Variants in GRHL3 observed in about 807,000 individuals in gnomAD.
The protein encoded by GRHL3 is grainyhead-like protein 3 homolog.
A neutral mutation model predicts 70.3 loss-of-function variants in GRHL3; 20 were observed. That is an observed-to-expected ratio of 0.28 (90% CI 0.20 to 0.41). GRHL3 has a LOEUF of 0.41. Ranked by LOEUF, GRHL3 falls within the 10% of genes least tolerant of loss-of-function variation. The pLI is 1.00. For synonymous variants in GRHL3, 299 were observed against 299.9 expected, an observed-to-expected ratio of 1.00 and a Z score of 0.03; for missense variants, 637 against 762.3, an observed-to-expected ratio of 0.84 and a Z score of 1.94.
At chr1:24,326,974 TG>T (rs1368273848) in intron 1 of GRHL3, among the ~76,000 whole-genome samples, 1 of 152,232 alleles carries the variant, frequency 6.6e-6, no homozygotes, top group Non-Finnish European at 1.5e-5. Flanking sequence ...TTGTTTCTTT[TG>T]AACAGAACCC....
At chr1:24,346,106 C>T (rs1640271230) in intron 12 of GRHL3, among the ~76,000 whole-genome samples, 1 of 151,642 alleles carries the variant, frequency 6.6e-6, no homozygotes. Flanking sequence ...TACTCCAAAG[C>T]CCCCAGTCCT....
intron 1 of GRHL3, among the ~76,000 whole-genome samples, chr1:24,327,684 C>T (rs1037471446): frequency 3.3e-5 from 5 of 152,212 alleles, no homozygotes; most frequent in African/African-American, 1.2e-4. Context: ...CCCAGGGAAG[C>T]TGACCTCATA....
At chr1:24,358,582 G>A (rs748283519), downstream of GRHL3, 2 of 1,614,150 alleles carry the variant, frequency 1.2e-6, no homozygotes, top group East Asian at 2.2e-5. Context: ...CGTTGTAGAG[G>A]AAGGACTGCT....
intron 1 of GRHL3, among the ~76,000 whole-genome samples, chr1:24,320,787 C>T (rs1032112322): frequency 2.0e-5 from 3 of 152,098 alleles, no homozygotes; most frequent in African/African-American, 4.8e-5. Flanking sequence ...ACAATTGGAC[C>T]GCAATGAGAA....
At chr1:24,337,020 TGAGGCTTCCCA>T in intron 4 of GRHL3, 47 bp from the exon 5 acceptor site, 1 of 1,538,620 alleles carries the variant, frequency 6.5e-7, no homozygotes, top group South Asian at 1.1e-5. Context: ...AGCCCTGGGC[TGAGGCTTCCCA>T]GAGTGAATGT....
intron 1 of GRHL3, among the ~76,000 whole-genome samples, chr1:24,327,785 C>CATAGAACTCTTTTCA (rs1639450634): frequency 2.0e-5 from 3 of 152,156 alleles, no homozygotes; most frequent in Admixed American, 2.0e-4. Context: ...TCACATTGAT[C>CATAGAACTCTTTTCA]CAGTATCAGC....
At chr1:24,338,542 G>A (rs1639915737) in intron 7 of GRHL3, among the ~76,000 whole-genome samples, 1 of 152,204 alleles carries the variant, frequency 6.6e-6, no homozygotes, top group African/African-American at 2.4e-5. Flanking sequence ...GGCACAGCCC[G>A]CCCTCAAGTC....
chr1:24,354,664 T>A lies in GRHL3; in HGVS notation c.*176T>A, dbSNP rs1640647392. The A allele has an allele frequency of 1.8e-6, 1 of 547,180 alleles. No homozygotes were observed. Among genetic ancestry groups the A allele is most frequent in the South Asian group, 2.2e-5 (1 of 46,332 alleles). 33.9% of individuals were successfully genotyped at this position (547,180 alleles called of 1,614,324 possible). A position where few individuals can be genotyped will look rare whatever the true frequency, so the allele number is the denominator to read the frequency against. On this transcript the variant is annotated 3_prime_UTR_variant, in exon 16 of 16. Transcript: ENST00000361548. ...CAGGGCCAGGGAGAGACCTAGGGGG[T>A]CCCCTGGCCTGGATCCCCATGGTAT...
chr1:24,319,635 G>T, intron 1 of GRHL3, 67 bp downstream of exon 1: 2 of 1,612,440 alleles, frequency 1.2e-6, no homozygotes, highest in African/African-American at 2.7e-5. Flanking sequence ...TTCCTGGAGG[G>T]GGAAGAGCGG....
chr1:24,357,437 CT>C (rs1640798133), downstream of GRHL3: 1 of 152,548 alleles, frequency 6.6e-6, no homozygotes, highest in African/African-American at 2.4e-5. Context: ...ACCTGGGTGG[CT>C]CCTGCCTCCC....
intron 1 of GRHL3, among the ~76,000 whole-genome samples, chr1:24,327,149 C>G (rs1639428434): frequency 6.6e-6 from 1 of 152,172 alleles, no homozygotes; most frequent in Non-Finnish European, 1.5e-5. Flanking sequence ...CATTTCCTAC[C>G]TTAATGTACT....
At chr1:24,338,369 T>A (rs1557698259) in intron 7 of GRHL3, among the ~76,000 whole-genome samples, 2 of 152,164 alleles carry the variant, frequency 1.3e-5, no homozygotes, top group Admixed American at 6.5e-5. Flanking sequence ...TTTGTCTCCA[T>A]CAGGAGGCTG....
At chr1:24,355,928 C>A (rs1640702221), downstream of GRHL3, among the ~76,000 whole-genome samples, 1 of 150,090 alleles carries the variant, frequency 6.7e-6, no homozygotes. Context: ...TGCGATGGAG[C>A]CTCGCTTTGT....
rs970378608 is a variant in GRHL3 at position 24,321,164 on chromosome 1, A to G, written c.17+1596A>G. Among the ~76,000 whole-genome samples, 2 of 152,186 alleles carry G rather than the reference A, an allele frequency of 1.3e-5. No individual in the cohort carries two copies. The highest frequency in any genetic ancestry group is 4.8e-5 in the African/African-American group (2 of 41,432). On this transcript the variant is annotated intron_variant, in intron 1 of 15. Transcript: ENST00000361548. The surrounding 1 kb of genome is among the most constrained non-coding windows in gnomAD (Gnocchi z 4.0). ...ACAGACAGAATCTATTCATTACTGC[A>G]CGTTAGGGGGTATGTGTTCTGAAGC...
intron 2 of GRHL3, among the ~76,000 whole-genome samples, chr1:24,333,233 G>A (rs1047417850): frequency 1.3e-5 from 2 of 152,180 alleles, no homozygotes; most frequent in Non-Finnish European, 1.5e-5. Flanking sequence ...GCAGCCCCCT[G>A]GACAGTGATG....
chr1:24,357,586 G>C (rs1640806571), downstream of GRHL3: 1 of 159,024 alleles, frequency 6.3e-6, no homozygotes, highest in Non-Finnish European at 1.4e-5. Context: ...GGCCACAGTT[G>C]TACAGGCCTT....
At chr1:24,356,845 C>CT (rs1302691599), downstream of GRHL3, among the ~76,000 whole-genome samples, 1 of 152,144 alleles carries the variant, frequency 6.6e-6, no homozygotes, top group Non-Finnish European at 1.5e-5. Context: ...CTGAGTAAAA[C>CT]TTTTTTTAAA....
chr1:24,326,397 C>CCCTCTTCTCCTCCACA, intron 1 of GRHL3, among the ~76,000 whole-genome samples: 1 of 150,448 alleles, frequency 6.6e-6, no homozygotes, highest in Non-Finnish European at 1.5e-5. Flanking sequence ...TCTCCTCCAC[C>CCCTCTTCTCCTCCACA]CCTATTCCCC....
Position 24,342,651 on chromosome 1 carries a change from C to A in GRHL3, c.1207-43C>A. 6.5e-7 allele frequency: 1 copy of A among 1,544,508 alleles called. No individual in the cohort carries two copies. The highest frequency in any genetic ancestry group is 9.0e-7 in the Non-Finnish European group (1 of 1,116,998). On this transcript the variant is annotated intron_variant, in intron 9 of 15. Transcript: ENST00000361548. The surrounding 1 kb of genome is among the most constrained non-coding windows in gnomAD (Gnocchi z 4.8). ...AGCAGCAGCTGTGAAAGTAGCTAGC[C>A]CCTCCCAGGCCCTTGGTGACCCTCT...
Sources: gnomAD v4.1 joint callset for allele counts (sites outside exome capture counted in the v4.1 genomes callset) on GRCh38, gnomAD v4.1.1 for gene constraint, Gnocchi (gnomAD v3.1) non-coding constraint, MANE v1.5 for transcripts, NCBI Gene and HGNC (gene_info 2026-07-23, HGNC 2026-07-21) for gene names.